Variants in RPAP2 observed in about 807,000 individuals in gnomAD.
The protein encoded by RPAP2 is RNA polymerase II associated protein 2, also known as putative RNA polymerase II subunit B1 CTD phosphatase RPAP2.
A neutral mutation model predicts 73.1 loss-of-function variants in RPAP2; 52 were observed. The observed-to-expected ratio is 0.71, with a 90% confidence interval of 0.57 to 0.90. The LOEUF is 0.90. Among genes scored for constraint, RPAP2 ranks in the 40% least tolerant of loss-of-function variants. The pLI, the probability that RPAP2 is intolerant of heterozygous loss-of-function variation, is 0.00. For missense variants in RPAP2, 598 were observed against 701.8 expected, an observed-to-expected ratio of 0.85 and a Z score of 1.67; for synonymous variants, 225 against 242.1, an observed-to-expected ratio of 0.93 and a Z score of 0.65.
At position 92,392,301 on chromosome 1, in the gene RPAP2, G is replaced by C. The variant is rs757780440; in HGVS notation, c.*5290G>C. 2.0e-5 allele frequency: 3 copies of C among 152,042 alleles called. No individual in the cohort carries two copies. The highest frequency in any genetic ancestry group is 4.4e-5 in the Non-Finnish European group (3 of 68,030). 9.4% of individuals were successfully genotyped at this position (152,042 alleles called of 1,614,324 possible). A position where few individuals can be genotyped will look rare whatever the true frequency, so the allele number is the denominator to read the frequency against. ...CAAAAACCACATGATTATCTCAATA[G>C]ATACAAAAAAGGCCTTCAACAAAAT... On this transcript the variant is annotated 3_prime_UTR_variant, in exon 13 of 13. Coordinates refer to ENST00000610020, the MANE Select transcript of RPAP2 (RefSeq NM_024813.3).
Position 92,324,215 on chromosome 1 carries a change from A to G in RPAP2, c.1295A>G (p.Glu432Gly). ...AGGGAATCTCAGAACAGCTTGGATG[A>G]GTCTTTACCTTTTAGGGGCTCAGGT... ...AWRESQNSLD[E>G]SLPFRGSGTA... is the part of the protein sequence containing the mutation. The change falls in exon 8 of 13, where the codon GAG (glutamate) becomes GGG (glycine). Residue 432 changes from glutamate to glycine, a missense_variant. Coordinates refer to ENST00000610020, the MANE Select transcript of RPAP2 (RefSeq NM_024813.3). 6.2e-7 allele frequency: 1 copy of G among 1,614,142 alleles called. No homozygotes were observed. Among genetic ancestry groups the G allele is most frequent in the Non-Finnish European group, 8.5e-7 (1 of 1,179,994 alleles).
chr1:92,355,049 C>T (rs972349669), intron 11 of RPAP2, among the ~76,000 whole-genome samples: 5 of 151,920 alleles, frequency 3.3e-5, no homozygotes, highest in African/African-American at 1.2e-4. Context: ...CAGGCACATG[C>T]TACCATACCC....
intron 6 of RPAP2, among the ~76,000 whole-genome samples, chr1:92,313,915 A>G (rs1266986307): frequency 6.6e-6 from 1 of 152,158 alleles, no homozygotes; most frequent in African/African-American, 2.4e-5. Flanking sequence ...AATCTCATGA[A>G]CCAAACTTTG....
In RPAP2 at chr1:92,401,722, G is replaced by A. The variant is rs1656321509; in HGVS notation, c.*14711G>A. On this transcript the variant is annotated 3_prime_UTR_variant, in exon 13 of 13. Transcript: ENST00000610020. ...CCCTGGTATTCATAGTTTGCTAAAA[G>A]GTTTTTGTCATTTTAAATCATAAAT... is the stretch of plus-strand genomic sequence containing the variant. 6.6e-6 allele frequency: 1 copy of A among 152,140 alleles called. No homozygotes were observed. Among genetic ancestry groups the A allele is most frequent in the African/African-American group, 2.4e-5 (1 of 41,426 alleles). 9.4% of individuals were successfully genotyped at this position (152,140 alleles called of 1,614,324 possible).
chr1:92,307,019 G>A (rs1314250158), intron 5 of RPAP2, among the ~76,000 whole-genome samples, 169 bp from the exon 6 acceptor site: 4 of 151,982 alleles, frequency 2.6e-5, no homozygotes, highest in African/African-American at 4.8e-5. Flanking sequence ...GTTGGGAAGG[G>A]GCACATAGAG....
chr1:92,351,325 A>G (rs1004028523), intron 11 of RPAP2, among the ~76,000 whole-genome samples: 18 of 150,530 alleles, frequency 1.2e-4, no homozygotes, highest in Middle Eastern at 6.8e-3. Context: ...AAAAAAAAAA[A>G]AAAGAAAGGA....
At chr1:92,345,810 G>A (rs1557615196) in intron 10 of RPAP2, 36 bp from the exon 11 acceptor site, 1 of 1,277,788 alleles carries the variant, frequency 7.8e-7, no homozygotes, top group African/African-American at 1.5e-5. Flanking sequence ...TTATTTAAAG[G>A]TAACACTCCT....
intron 8 of RPAP2, among the ~76,000 whole-genome samples, chr1:92,328,566 ATTTC>A (rs1652778475): frequency 6.6e-6 from 1 of 151,952 alleles, no homozygotes; most frequent in African/African-American, 2.4e-5. Flanking sequence ...GATTTGTTTG[ATTTC>A]TTTAAGTTGG....
intron 11 of RPAP2, among the ~76,000 whole-genome samples, chr1:92,348,437 C>A (rs1654026567): frequency 6.6e-6 from 1 of 152,152 alleles, no homozygotes; most frequent in African/African-American, 2.4e-5. Context: ...CCTTTGAAAT[C>A]TTGTTTTCTG....
At position 92,397,137 on chromosome 1, in the gene RPAP2, C is replaced by G. The variant is rs1656201686; in HGVS notation, c.*10126C>G. On this transcript the variant is annotated 3_prime_UTR_variant, in exon 13 of 13. Coordinates refer to ENST00000610020, the MANE Select transcript of RPAP2 (RefSeq NM_024813.3). ...GGCACAGGGGCTCACACCTGTAATC[C>G]CAGCACTTTGGGAAGCCAAGATGGG... 1 of 152,092 alleles carries G rather than the reference C, an allele frequency of 6.6e-6. No homozygotes were observed. Among genetic ancestry groups the G allele is most frequent in the Non-Finnish European group, 1.5e-5 (1 of 68,066 alleles). 9.4% of individuals were successfully genotyped at this position (152,092 alleles called of 1,614,324 possible). A position where few individuals can be genotyped will look rare whatever the true frequency, so the allele number is the denominator to read the frequency against.
intron 6 of RPAP2, among the ~76,000 whole-genome samples, chr1:92,307,638 A>G (rs1651326916): frequency 6.6e-6 from 1 of 152,190 alleles, no homozygotes; most frequent in Non-Finnish European, 1.5e-5. Context: ...GAACTCTGCT[A>G]TGAGAAAGGT....
intron 6 of RPAP2, among the ~76,000 whole-genome samples, chr1:92,309,574 T>C (rs61779187): frequency 3.0e-3 from 29 of 9,814 alleles, no homozygotes; most frequent in East Asian, 0.062. Context: ...CATACACATA[T>C]ACATATACAT....
chr1:92,373,133 A>G (rs1270718531), intron 11 of RPAP2, among the ~76,000 whole-genome samples: 1 of 152,002 alleles, frequency 6.6e-6, no homozygotes, highest in Non-Finnish European at 1.5e-5. Context: ...CAAATAGACA[A>G]TTATTAATGA....
chr1:92,302,945 T>G (rs1650969711), intron 3 of RPAP2, among the ~76,000 whole-genome samples: 1 of 151,330 alleles, frequency 6.6e-6, no homozygotes, highest in Non-Finnish European at 1.5e-5. Context: ...ATACCTGTAA[T>G]CCCAGCACTT....
chr1:92,352,895 C>A (rs945820242), intron 11 of RPAP2, among the ~76,000 whole-genome samples: 2 of 152,186 alleles, frequency 1.3e-5, no homozygotes, highest in Non-Finnish European at 2.9e-5. Context: ...TAAATCCATT[C>A]TCTTATCTTG....
chr1:92,344,418 C>G (rs1393696022), intron 10 of RPAP2, among the ~76,000 whole-genome samples: 1 of 152,038 alleles, frequency 6.6e-6, no homozygotes, highest in Non-Finnish European at 1.5e-5. Flanking sequence ...AAAGAAAATG[C>G]TATACGATGT....
chr1:92,318,208 TA>T (rs1652039615), intron 6 of RPAP2, among the ~76,000 whole-genome samples: 1 of 152,240 alleles, frequency 6.6e-6, no homozygotes, highest in Non-Finnish European at 1.5e-5. Context: ...ACTTTTTTTC[TA>T]TTTAGCTTGC....
At chr1:92,352,420 G>GT (rs1364661949) in intron 11 of RPAP2, among the ~76,000 whole-genome samples, 1 of 148,420 alleles carries the variant, frequency 6.7e-6, no homozygotes, top group African/African-American at 2.5e-5. Context: ...ATGGAAAGAT[G>GT]TGAGTAAGGC....
At chr1:92,366,929 C>A (rs1433502462) in intron 11 of RPAP2, among the ~76,000 whole-genome samples, 2 of 152,114 alleles carry the variant, frequency 1.3e-5, no homozygotes, top group Non-Finnish European at 2.9e-5. Context: ...AATCCTTGAT[C>A]ATTTACCACT....
Sources: gnomAD v4.1 joint callset for allele counts (sites outside exome capture counted in the v4.1 genomes callset) on GRCh38, gnomAD v4.1.1 for gene constraint, MANE v1.5 for transcripts, NCBI Gene and HGNC (gene_info 2026-07-23, HGNC 2026-07-21) for gene names.